Variants in LAMP5 observed in about 807,000 individuals in gnomAD.
LAMP5 encodes the protein lysosome associated membrane protein 5, also known as lysosome-associated membrane glycoprotein 5.
In LAMP5, 36 loss-of-function variants were observed where a neutral mutation model predicts 30.2. The observed-to-expected ratio is 1.19, with a 90% CI of 0.91 to 1.57. LAMP5 has a LOEUF of 1.57. Among genes scored for constraint, LAMP5 ranks in the 40% most tolerant of loss-of-function variants. The pLI, the probability that LAMP5 is intolerant of heterozygous loss-of-function variation, is 0.00. For missense variants in LAMP5, 377 were observed against 354.9 expected (o/e 1.06, Z -0.50); for synonymous variants, 149 against 134.6 (o/e 1.11, Z -0.74).
intron 5 of LAMP5, among the ~76,000 whole-genome samples, chr20:9,519,606 G>A (rs1335235513): frequency 6.6e-6 from 1 of 152,198 alleles, no homozygotes; most frequent in Non-Finnish European, 1.5e-5. Context: ...GTAACAGTCA[G>A]TGTCTCTCTT....
Position 9,530,077 on chromosome 20 carries a change from G to C in LAMP5, c.*257G>C. The C allele has an allele frequency of 3.0e-6, 1 of 331,678 alleles. No individual in the cohort carries two copies. Among genetic ancestry groups the C allele is most frequent in the Non-Finnish European group, 5.6e-6 (1 of 179,472 alleles). The allele number at this position is 331,678 out of a possible 1,614,324, so 20.5% of individuals were successfully genotyped here. A position where few individuals can be genotyped will look rare whatever the true frequency, so the allele number is the denominator to read the frequency against. On this transcript the variant is annotated 3_prime_UTR_variant, in exon 6 of 6. Coordinates refer to ENST00000246070, the MANE Select transcript of LAMP5 (RefSeq NM_012261.4). ...GAGGAGGGTCTCAGACAGCTTTCGTGCTCATGGTGGCTTGGCTTTGACTCT... is the reference window on the plus strand; with the variant it reads ...GAGGAGGGTCTCAGACAGCTTTCGTCCTCATGGTGGCTTGGCTTTGACTCT...
At position 9,518,149 on chromosome 20, in the gene LAMP5, G is replaced by T; in HGVS notation, c.585G>T (p.Pro195=). 2 of 1,614,140 alleles carry T rather than the reference G, an allele frequency of 1.2e-6. No homozygotes were observed. Among genetic ancestry groups the T allele is most frequent in the Non-Finnish European group, 1.7e-6 (2 of 1,179,988 alleles). The change falls in exon 5 of 6, where the codon CCG becomes CCT. Residue 195 remains proline, a synonymous_variant. Coordinates refer to ENST00000246070, the MANE Select transcript of LAMP5 (RefSeq NM_012261.4). The part of the protein sequence containing the change: ...QQTISLASSD[P]QKTVTMILSA... ...CCATTTCACTGGCCTCTAGTGATCC[G>T]CAGAAGACGGTCACCATGATCCTGT...
Position 9,518,216 on chromosome 20 carries a change from G to T in LAMP5, c.652G>T (p.Val218Phe), listed in dbSNP as rs143065055. Reference sequence around the variant, plus strand: ...ACCTTTTGACATTATCTCAGATTTTGTCTTCAGTGAAGGTAAGTTGTTGGG... The same window carrying T: ...ACCTTTTGACATTATCTCAGATTTTTTCTTCAGTGAAGGTAAGTTGTTGGG... The part of the protein sequence containing the change: ...IQPFDIISDF[V>F]FSEEHKCPVD... Residue 218 changes from valine to phenylalanine, a missense_variant, in exon 5 of 6, where the codon GTC becomes TTC. Physicochemically the swap from Val to Phe is conservative, Grantham distance 50. Transcript: ENST00000246070. 4.5e-4 allele frequency: 719 copies of T among 1,613,976 alleles called. No homozygotes were observed. Among genetic ancestry groups the T allele is most frequent in the Non-Finnish European group, 5.4e-4 (639 of 1,180,016 alleles).
In LAMP5 at chr20:9,520,229, T is replaced by C. The variant is rs114919109; in HGVS notation, c.664+2001T>C. 7.0e-3 allele frequency among the ~76,000 whole-genome samples: 1,073 copies of C among 152,322 alleles called. 14 individuals carry two copies. The highest frequency in any genetic ancestry group is 0.025 in the African/African-American group (1,026 of 41,574). Reference sequence around the variant, plus strand: ...TTAGGATGTTCTCTCCTGTATGGTGTCCCCAGGCTTACGCCTTGACATTCC... The same window carrying C: ...TTAGGATGTTCTCTCCTGTATGGTGCCCCCAGGCTTACGCCTTGACATTCC... On this transcript the variant is annotated intron_variant, in intron 5 of 5. Coordinates refer to ENST00000246070, the MANE Select transcript of LAMP5 (RefSeq NM_012261.4).
chr20:9,524,474 G>GT (rs202207899), intron 5 of LAMP5, among the ~76,000 whole-genome samples: 15,768 of 139,100 alleles, frequency 0.11, 1,003 homozygotes, highest in East Asian at 0.33. Context: ...GTAAAATATT[G>GT]TTTTTTTTTT....
intron 5 of LAMP5, 90 bp downstream of exon 5, chr20:9,518,318 CT>C (rs1343470595): frequency 2.7e-6 from 3 of 1,122,748 alleles, no homozygotes; most frequent in Non-Finnish European, 3.9e-6. Flanking sequence ...GATGTTACCA[CT>C]TGGATTTCCT....
chr20:9,525,030 A>G (rs2045103770), intron 5 of LAMP5, among the ~76,000 whole-genome samples: 1 of 152,156 alleles, frequency 6.6e-6, no homozygotes, highest in African/African-American at 2.4e-5. Flanking sequence ...CATAGTTGAT[A>G]TCCTCTTTAT....
At chr20:9,525,071 A>ATT in intron 5 of LAMP5, among the ~76,000 whole-genome samples, 1 of 150,990 alleles carries the variant, frequency 6.6e-6, no homozygotes, top group East Asian at 1.9e-4. Context: ...GATTAATTCT[A>ATT]TTTTTTTTTC....
intron 5 of LAMP5, among the ~76,000 whole-genome samples, chr20:9,520,005 A>T (rs1047977284): frequency 3.9e-5 from 6 of 152,222 alleles, no homozygotes; most frequent in African/African-American, 1.4e-4. Context: ...CTACTTTCCT[A>T]AAAATCAGTA....
intron 5 of LAMP5, among the ~76,000 whole-genome samples, chr20:9,525,991 A>G (rs1453587431): frequency 6.6e-6 from 1 of 152,166 alleles, no homozygotes; most frequent in Non-Finnish European, 1.5e-5. Context: ...AGTGAGCTAA[A>G]ACCATGGTCT....
chr20:9,529,417 C>A (rs1332349491), intron 5 of LAMP5, among the ~76,000 whole-genome samples: 1 of 152,144 alleles, frequency 6.6e-6, no homozygotes, highest in East Asian at 1.9e-4. Flanking sequence ...TGCCAGGAAT[C>A]CAATAATTAC....
chr20:9,524,595 TAAA>T (rs748114210), intron 5 of LAMP5, among the ~76,000 whole-genome samples: 3,168 of 82,202 alleles, frequency 0.039, 46 homozygotes, highest in African/African-American at 0.074. Context: ...CAGATCGAAC[TAAA>T]AAAAAAAAAA....
In LAMP5 at chr20:9,530,242, C is replaced by G. The variant is rs1292425821; in HGVS notation, c.*422C>G. On this transcript the variant is annotated 3_prime_UTR_variant, in exon 6 of 6. Coordinates refer to ENST00000246070, the MANE Select transcript of LAMP5 (RefSeq NM_012261.4). ...GCTCCCTTGGACACAGCTGGCTTAT[C>G]CTATACAGTTGTCAATGCACACAGA... 6.2e-6 allele frequency: 1 copy of G among 162,320 alleles called. No homozygotes were observed. The highest frequency in any genetic ancestry group is 2.4e-5 in the African/African-American group (1 of 41,878). 10.1% of individuals were successfully genotyped at this position (162,320 alleles called of 1,614,324 possible). A position where few individuals can be genotyped will look rare whatever the true frequency, so the allele number is the denominator to read the frequency against.
Position 9,514,643 on chromosome 20 carries a change from A to C in LAMP5, c.-210A>C. 4.1e-6 allele frequency: 2 copies of C among 490,190 alleles called. No individual in the cohort carries two copies. Among genetic ancestry groups the C allele is most frequent in the South Asian group, 2.1e-5 (1 of 47,794 alleles). The allele number at this position is 490,190 out of a possible 1,614,324, so 30.4% of individuals were successfully genotyped here. ...ACCGCCGTGCGGTCCTTTCCTCCGC[A>C]GTGAGCCGATTTGCTCTGCCAGCAG... is the stretch of plus-strand genomic sequence containing the variant. On this transcript the variant is annotated 5_prime_UTR_variant, in exon 1 of 6. Transcript: ENST00000246070.
chr20:9,517,272 G>C (rs921813334), intron 4 of LAMP5, among the ~76,000 whole-genome samples: 1 of 152,166 alleles, frequency 6.6e-6, no homozygotes, highest in Non-Finnish European at 1.5e-5. Context: ...AGCAATGGGA[G>C]GCAGACCTTC....
At chr20:9,528,913 G>C (rs1042445720) in intron 5 of LAMP5, among the ~76,000 whole-genome samples, 4 of 152,154 alleles carry the variant, frequency 2.6e-5, no homozygotes, top group Admixed American at 6.5e-5. Flanking sequence ...CACCCATTTT[G>C]TTATGTGTAG....
chr20:9,527,978 A>T (rs2045125143), intron 5 of LAMP5, among the ~76,000 whole-genome samples: 1 of 152,222 alleles, frequency 6.6e-6, no homozygotes, highest in Non-Finnish European at 1.5e-5. Context: ...ATTATAGCAT[A>T]ATTTACATAT....
intron 1 of LAMP5, 196 bp downstream of exon 1, chr20:9,515,112 C>T: frequency 1.6e-6 from 1 of 623,944 alleles, no homozygotes; most frequent in African/African-American, 1.8e-5. Flanking sequence ...AGCCATACAC[C>T]TCTGTGGCAT....
rs2045025081 is a variant in LAMP5, at chr20:9,515,017, C to T, written c.64+101C>T. 23 of 1,103,560 alleles carry T rather than the reference C, an allele frequency of 2.1e-5. No homozygotes were observed. In the South Asian group the frequency reaches 3.1e-4, roughly 15 times the overall value. The allele number at this position is 1,103,560 out of a possible 1,614,324, so 68.4% of individuals were successfully genotyped here. A position where few individuals can be genotyped will look rare whatever the true frequency, so the allele number is the denominator to read the frequency against. Reference sequence around the variant, plus strand: ...TTAGCTTGAGATAAAAAATATGGCCCTTAATGTTTTGCGGTGTTTTTTCTT... The same window carrying T: ...TTAGCTTGAGATAAAAAATATGGCCTTTAATGTTTTGCGGTGTTTTTTCTT... On this transcript the variant is annotated intron_variant, in intron 1 of 5. Transcript: ENST00000246070.
Sources: gnomAD v4.1 joint callset for allele counts (sites outside exome capture counted in the v4.1 genomes callset) on GRCh38, gnomAD v4.1.1 for gene constraint, MANE v1.5 for transcripts, NCBI Gene and HGNC (gene_info 2026-07-23, HGNC 2026-07-21) for gene names.